AADACL4: variants seen among roughly 807,000 people sequenced by gnomAD.
AADACL4 encodes arylacetamide deacetylase-like 4.
In AADACL4, 9 loss-of-function variants were observed where a neutral mutation model predicts 14.1. That is an observed-to-expected ratio of 0.64 (90% CI 0.39 to 1.12). The LOEUF is 1.12. Ranked by LOEUF, AADACL4 falls within the 50% of genes most tolerant of loss-of-function variation. The pLI, the probability that AADACL4 is intolerant of heterozygous loss-of-function variation, is 0.01. For missense variants in AADACL4, 531 were observed against 516.1 expected (o/e 1.03, Z -0.28); for synonymous variants, 188 against 201.6 (o/e 0.93, Z 0.57).
intron 2 of AADACL4, among the ~76,000 whole-genome samples, chr1:12,652,025 C>T (rs915899710): frequency 2.6e-5 from 4 of 151,000 alleles, no homozygotes; most frequent in South Asian, 2.1e-4. Flanking sequence ...TTAGTAGAGA[C>T]GGGGTTTCAC....
intron 3 of AADACL4, among the ~76,000 whole-genome samples, chr1:12,664,075 A>G (rs1339407873): frequency 6.6e-6 from 1 of 152,204 alleles, no homozygotes; most frequent in South Asian, 2.1e-4. Context: ...TTTGAACCCT[A>G]GAGTTCCCTG....
At chr1:12,652,776 T>C (rs953915865) in intron 2 of AADACL4, among the ~76,000 whole-genome samples, 1 of 152,186 alleles carries the variant, frequency 6.6e-6, no homozygotes, top group East Asian at 1.9e-4. Flanking sequence ...CGCTGGTGGG[T>C]GTGTGTTTAA....
chr1:12,647,220 T>C (rs1227127710), intron 1 of AADACL4, among the ~76,000 whole-genome samples: 2 of 151,166 alleles, frequency 1.3e-5, no homozygotes, highest in Non-Finnish European at 3.0e-5. Context: ...CAGCCTCCCA[T>C]GTAGCTCGGA....
chr1:12,653,725 G>T (rs749283891), intron 2 of AADACL4, among the ~76,000 whole-genome samples: 4 of 152,146 alleles, frequency 2.6e-5, no homozygotes, highest in Non-Finnish European at 5.9e-5. Context: ...CTTCAAGACT[G>T]CCTCCTTTCA....
rs145468499 is a variant in AADACL4, at chr1:12,650,255, C to T, written c.169-868C>T. Among the ~76,000 whole-genome samples the T allele has an allele frequency of 5.9e-5, 9 of 152,240 alleles. No homozygotes were observed. In the East Asian group the frequency reaches 1.4e-3, roughly 23 times the overall value. ...AATATGACACCTTGTAACTGTATTT[C>T]GTGAAATATTCAGATGTTGAATTGT... On this transcript the variant is annotated intron_variant, in intron 1 of 3. Coordinates refer to ENST00000376221, the MANE Select transcript of AADACL4 (RefSeq NM_001013630.2).
intron 3 of AADACL4, among the ~76,000 whole-genome samples, chr1:12,663,173 G>A (rs11121955): frequency 0.1 from 15,610 of 152,198 alleles, 1,090 homozygotes; most frequent in Middle Eastern, 0.16. Flanking sequence ...CTCCCTACCC[G>A]AACTCTTGGA....
chr1:12,647,238 C>A (rs772381328), intron 1 of AADACL4, among the ~76,000 whole-genome samples: 1 of 152,082 alleles, frequency 6.6e-6, no homozygotes, highest in Non-Finnish European at 1.5e-5. Flanking sequence ...GGACCACAGG[C>A]GTGCACCTTC....
At chr1:12,658,881 A>G (rs1223913283) in intron 2 of AADACL4, among the ~76,000 whole-genome samples, 1 of 150,678 alleles carries the variant, frequency 6.6e-6, no homozygotes, top group East Asian at 1.9e-4. Context: ...TTCCATATTC[A>G]GTACTTGACT....
rs1402895761 is a variant in AADACL4, at chr1:12,646,807, C to T, written c.168+2093C>T. Among the ~76,000 whole-genome samples, 10 of 152,296 alleles carry T rather than the reference C, an allele frequency of 6.6e-5. No homozygotes were observed. In the South Asian group the frequency reaches 2.1e-3, roughly 32 times the overall value. ...CAGCTTGTGGCGTCCTCTCTCGATC[C>T]CTCCGGCACTGGGGCCTCCCAGGGC... On this transcript the variant is annotated intron_variant, in intron 1 of 3. Transcript: ENST00000376221.
rs1486266827 is a variant in AADACL4, at chr1:12,666,208, C to T, written c.697C>T (p.Pro233Ser). Reference protein sequence around the residue: ...PVVQAFCLQLPSFQQNQNVPL... With the variant: ...PVVQAFCLQLSSFQQNQNVPL... ...TGTCCAGGCATTCTGTTTGCAGTTG[C>T]CATCCTTTCAGCAGAACCAAAATGT... The change falls in exon 4 of 4, where the codon CCA becomes TCA. Residue 233 changes from proline to serine, a missense_variant. Pro to Ser is a moderately conservative substitution (Grantham distance 74). Transcript: ENST00000376221. 6.2e-7 allele frequency: 1 copy of T among 1,614,110 alleles called. No homozygotes were observed. Among genetic ancestry groups the T allele is most frequent in the Non-Finnish European group, 8.5e-7 (1 of 1,180,050 alleles).
intron 2 of AADACL4, among the ~76,000 whole-genome samples, chr1:12,654,062 C>A (rs908579821): frequency 2.6e-5 from 4 of 152,196 alleles, no homozygotes; most frequent in African/African-American, 7.2e-5. Context: ...GTTCCAGGAT[C>A]AGTTCTCTCA....
chr1:12,646,163 G>C (rs1222847645), intron 1 of AADACL4, among the ~76,000 whole-genome samples: 1 of 152,216 alleles, frequency 6.6e-6, no homozygotes, highest in Non-Finnish European at 1.5e-5. Context: ...GGCAGCTGTG[G>C]AGGAGGATGA....
intron 3 of AADACL4, among the ~76,000 whole-genome samples, chr1:12,663,896 T>C (rs1647269858): frequency 6.6e-6 from 1 of 152,190 alleles, no homozygotes; most frequent in Non-Finnish European, 1.5e-5. Context: ...TATCAATATA[T>C]TGACCATCTA....
chr1:12,653,073 GTA>G (rs1647159258), intron 2 of AADACL4, among the ~76,000 whole-genome samples: 1 of 152,108 alleles, frequency 6.6e-6, no homozygotes, highest in African/African-American at 2.4e-5. Context: ...TCAGTCTTCA[GTA>G]TCTACTTTCT....
chr1:12,661,919 T>C, intron 3 of AADACL4, 65 bp downstream of exon 3: 1 of 1,536,026 alleles, frequency 6.5e-7, no homozygotes. Flanking sequence ...AGTTCATGGG[T>C]GATTTGTAGA....
rs1358498899 is a variant in AADACL4 at position 12,667,033 on chromosome 1, C to G, written c.*298C>G. The G allele has an allele frequency of 1.1e-5, 5 of 466,928 alleles. No individual in the cohort carries two copies. The highest frequency in any genetic ancestry group is 1.9e-5 in the Non-Finnish European group (5 of 267,932). 28.9% of individuals were successfully genotyped at this position (466,928 alleles called of 1,614,324 possible). A position where few individuals can be genotyped will look rare whatever the true frequency, so the allele number is the denominator to read the frequency against. On this transcript the variant is annotated 3_prime_UTR_variant, in exon 4 of 4. Transcript: ENST00000376221. The stretch of plus-strand genomic sequence containing the variant: ...AAATGCCTTTAAAAATTTCTCAAAG[C>G]CCCAACATATAAGATCTGTGCAGAA...
intron 2 of AADACL4, among the ~76,000 whole-genome samples, chr1:12,661,343 A>G (rs1474469851): frequency 6.6e-6 from 1 of 152,164 alleles, no homozygotes; most frequent in Non-Finnish European, 1.5e-5. Flanking sequence ...AGTATGTTCT[A>G]CGTACTCATA....
At chr1:12,656,345 A>C (rs993888145) in intron 2 of AADACL4, among the ~76,000 whole-genome samples, 6 of 152,128 alleles carry the variant, frequency 3.9e-5, no homozygotes, top group Non-Finnish European at 7.4e-5. Context: ...GCATCTAGGC[A>C]TCTCTGGAGT....
At chr1:12,652,616 G>A (rs1217322784) in intron 2 of AADACL4, among the ~76,000 whole-genome samples, 1 of 152,266 alleles carries the variant, frequency 6.6e-6, no homozygotes, top group East Asian at 1.9e-4. Flanking sequence ...GGACTCAAGA[G>A]AGACAGGCGC....
Sources: allele counts gnomAD v4.1 joint callset (sites outside exome capture counted in the v4.1 genomes callset), GRCh38; gene constraint gnomAD v4.1.1; transcripts MANE v1.5; gene names NCBI Gene and HGNC (gene_info 2026-07-23, HGNC 2026-07-21).